Variants in ZPBP observed in about 807,000 individuals in gnomAD.
The protein encoded by ZPBP is zona pellucida-binding protein 1.
ZPBP carries 26 observed loss-of-function variants against 44.8 expected under a neutral mutation model. The observed-to-expected ratio is 0.58, with a 90% CI of 0.43 to 0.81. The LOEUF (loss-of-function observed/expected upper bound fraction) is 0.81, where lower values mean the gene tolerates loss of function less well. Among genes scored for constraint, ZPBP ranks in the 30% least tolerant of loss-of-function variants. The pLI is 0.00. For missense variants in ZPBP, 409 were observed against 434.0 expected, an observed-to-expected ratio of 0.94 and a Z score of 0.51; for synonymous variants, 174 against 153.2, an observed-to-expected ratio of 1.14 and a Z score of -1.00.
intron 6 of ZPBP, among the ~76,000 whole-genome samples, chr7:50,006,144 T>C (rs975064556): frequency 4.0e-5 from 6 of 151,746 alleles, no homozygotes; most frequent in Non-Finnish European, 7.4e-5. Context: ...CCTAAAGATA[T>C]GGAGCAAATA....
intron 4 of ZPBP, among the ~76,000 whole-genome samples, chr7:50,048,033 G>A (rs1241406168): frequency 1.3e-5 from 2 of 152,142 alleles, no homozygotes; most frequent in African/African-American, 4.8e-5. Context: ...AACTGAGGGT[G>A]AAAGGAAGAG....
chr7:49,986,260 G>A (rs755060695), intron 6 of ZPBP, among the ~76,000 whole-genome samples: 33 of 152,144 alleles, frequency 2.2e-4, no homozygotes, highest in Non-Finnish European at 1.3e-4. Context: ...TGGGGGTCAG[G>A]AATGTCAACC....
At chr7:50,017,561 T>C (rs1034132907) in intron 6 of ZPBP, among the ~76,000 whole-genome samples, 5 of 152,124 alleles carry the variant, frequency 3.3e-5, no homozygotes, top group South Asian at 2.1e-4. Flanking sequence ...AAGAATCCCC[T>C]TGTCAATTTC....
intron 2 of ZPBP, among the ~76,000 whole-genome samples, chr7:49,850,921 C>T (rs1446076536): frequency 6.6e-6 from 1 of 152,210 alleles, no homozygotes. Flanking sequence ...GATTGTGGCA[C>T]CAGGCTCCAT....
chr7:49,932,517 G>A (rs201946821), downstream of ZPBP, among the ~76,000 whole-genome samples: 3 of 152,210 alleles, frequency 2.0e-5, no homozygotes, highest in East Asian at 5.8e-4. Context: ...CATTAGGAAT[G>A]GGCGTATTTA....
At chr7:50,070,595 A>G (rs576773431) in intron 3 of ZPBP, among the ~76,000 whole-genome samples, 28 of 152,300 alleles carry the variant, frequency 1.8e-4, no homozygotes, top group Non-Finnish European at 3.4e-4. Context: ...AATGTAGTGG[A>G]ATTGATAAGG....
intron 1 of ZPBP, among the ~76,000 whole-genome samples, chr7:49,903,748 G>T (rs1160458921): frequency 6.6e-6 from 1 of 152,130 alleles, no homozygotes. Flanking sequence ...CAGGGTTTGT[G>T]GTCTTGCTCC....
At chr7:49,867,507 C>T (rs1790950146) in intron 2 of ZPBP, among the ~76,000 whole-genome samples, 1 of 152,186 alleles carries the variant, frequency 6.6e-6, no homozygotes, top group Admixed American at 6.5e-5. Context: ...CACAGTATGT[C>T]TCATGTGCTG....
chr7:49,867,842 T>TA lies in ZPBP; in HGVS notation n.510-17329_510-17328insT, dbSNP rs879698454. On this transcript the variant is annotated intron_variant and non_coding_transcript_variant, in intron 2 of 2. Coordinates refer to the ZPBP transcript ENST00000465922. ...TCTATTTTTTATTTTATTATTTTATTTTATTTTTTGAGGTGGAGTCTTGCC... is the reference window on the plus strand; with the variant it reads ...TCTATTTTTTATTTTATTATTTTATTATTATTTTTTGAGGTGGAGTCTTGCC... Among the ~76,000 whole-genome samples, 332 of 141,176 alleles carry TA rather than the reference T, an allele frequency of 2.4e-3. 1 individual carries two copies. Among genetic ancestry groups the TA allele is most frequent in the South Asian group, 8.0e-3 (37 of 4,606 alleles). The allele number at this position is 141,176 out of a possible 152,430, so 92.6% of individuals were successfully genotyped here.
chr7:50,005,435 T>C (rs1429748785), intron 6 of ZPBP, among the ~76,000 whole-genome samples: 1 of 152,042 alleles, frequency 6.6e-6, no homozygotes, highest in East Asian at 1.9e-4. Flanking sequence ...AAGCATAAAT[T>C]TATATTAATG....
At chr7:50,091,334 A>C (rs1258033950) in intron 1 of ZPBP, among the ~76,000 whole-genome samples, 1 of 152,136 alleles carries the variant, frequency 6.6e-6, no homozygotes, top group Non-Finnish European at 1.5e-5. Flanking sequence ...CTTTAGTTTA[A>C]TTAAGTCCGA....
chr7:49,924,752 A>T (rs576153932), intron 1 of ZPBP, among the ~76,000 whole-genome samples: 31 of 152,244 alleles, frequency 2.0e-4, no homozygotes, highest in African/African-American at 6.7e-4. Context: ...ACTAGTAAAA[A>T]CCCTTGACAT....
intron 6 of ZPBP, among the ~76,000 whole-genome samples, chr7:49,986,373 G>A (rs1797280639): frequency 1.3e-5 from 2 of 152,166 alleles, no homozygotes; most frequent in African/African-American, 4.8e-5. Flanking sequence ...GGACTGAAAG[G>A]CAAGCAGCAG....
chr7:50,080,823 C>T (rs1802318585), intron 3 of ZPBP, among the ~76,000 whole-genome samples: 2 of 151,642 alleles, frequency 1.3e-5, no homozygotes, highest in Non-Finnish European at 3.0e-5. Context: ...ATTGCACAAT[C>T]GTTCCTACTT....
intron 7 of ZPBP, among the ~76,000 whole-genome samples, chr7:49,940,334 T>C (rs1440319833): frequency 2.6e-5 from 4 of 152,248 alleles, no homozygotes; most frequent in Middle Eastern, 3.4e-3. Flanking sequence ...TCAGAATATA[T>C]AATTAACTCA....
intron 7 of ZPBP, among the ~76,000 whole-genome samples, chr7:49,975,442 T>A (rs1446005259): frequency 1.3e-5 from 2 of 152,188 alleles, no homozygotes; most frequent in Non-Finnish European, 2.9e-5. Context: ...CTGGATTGCC[T>A]GGCTACCCAG....
chr7:50,083,698 T>C (rs1248827933), intron 2 of ZPBP, among the ~76,000 whole-genome samples: 2 of 151,870 alleles, frequency 1.3e-5, no homozygotes, highest in African/African-American at 4.8e-5. Context: ...ATAACTGATA[T>C]ATATGTGGTA....
At chr7:49,903,154 C>T (rs1000860311) in intron 1 of ZPBP, among the ~76,000 whole-genome samples, 1 of 152,076 alleles carries the variant, frequency 6.6e-6, no homozygotes, top group Non-Finnish European at 1.5e-5. Context: ...CGTGGTTGGA[C>T]TGTAAATTTT....
intron 6 of ZPBP, among the ~76,000 whole-genome samples, chr7:49,984,910 A>C (rs1797190610): frequency 1.3e-5 from 2 of 152,184 alleles, no homozygotes; most frequent in South Asian, 2.1e-4. Flanking sequence ...TGAAGAGAAA[A>C]AAAATGCTTC....
Sources: gnomAD v4.1 joint callset for allele counts (sites outside exome capture counted in the v4.1 genomes callset) on GRCh38, gnomAD v4.1.1 for gene constraint, MANE v1.5 for transcripts, NCBI Gene and HGNC (gene_info 2026-07-23, HGNC 2026-07-21) for gene names.